Variants in GALNT1 observed in about 807,000 individuals in gnomAD.
GALNT1 encodes polypeptide N-acetylgalactosaminyltransferase 1.
A neutral mutation model predicts 65.7 loss-of-function variants in GALNT1; 17 were observed. The observed-to-expected ratio is 0.26, with a 90% confidence interval of 0.18 to 0.39. The LOEUF (loss-of-function observed/expected upper bound fraction) is 0.39. Among genes scored for constraint, GALNT1 ranks in the 10% least tolerant of loss-of-function variants. GALNT1 has a pLI of 1.00. For missense variants in GALNT1, 460 were observed against 672.8 expected, an observed-to-expected ratio of 0.68 and a Z score of 3.50; for synonymous variants, 210 against 219.7, an observed-to-expected ratio of 0.96 and a Z score of 0.39.
rs1256109086 is a variant in GALNT1, at chr18:35,703,516, C to G, written c.1406C>G (p.Ser469Cys). The change falls in exon 11 of 12, where the codon TCT becomes TGT. Residue 469 changes from serine (S) to cysteine (C), a missense_variant. By Grantham distance (112) the Ser-to-Cys change is moderately radical (BLOSUM62 -1). Coordinates refer to ENST00000269195, the MANE Select transcript of GALNT1 (RefSeq NM_020474.4). The part of the protein sequence containing the change: ...CHGMGGNQVF[S>C]YTANKEIRTD... Reference sequence around the variant, plus strand: ...GTGCATTTTTATTTCCAGGTTTTCTCTTATACTGCCAACAAAGAAATTAGA... The same window carrying G: ...GTGCATTTTTATTTCCAGGTTTTCTGTTATACTGCCAACAAAGAAATTAGA... 2 of 1,613,154 alleles carry G rather than the reference C, an allele frequency of 1.2e-6. No homozygotes were observed. Among genetic ancestry groups the G allele is most frequent in the South Asian group, 1.1e-5 (1 of 90,844 alleles).
chr18:35,686,887 G>A, intron 5 of GALNT1, 129 bp from the exon 6 acceptor site: 1 of 800,956 alleles, frequency 1.2e-6, no homozygotes, highest in Non-Finnish European at 1.9e-6. Context: ...CCTGGGTGGT[G>A]ACAGAGTAGT....
chr18:35,610,588 G>C (rs12953611), intron 1 of GALNT1, among the ~76,000 whole-genome samples: 15,800 of 152,110 alleles, frequency 0.1, 909 homozygotes, highest in Admixed American at 0.18. Flanking sequence ...ATTTTCTTCT[G>C]TGAGTTAATT....
At chr18:35,677,124 A>G (rs2047722256) in intron 3 of GALNT1, among the ~76,000 whole-genome samples, 1 of 152,230 alleles carries the variant, frequency 6.6e-6, no homozygotes, top group Non-Finnish European at 1.5e-5. Context: ...TCCGTCTTAT[A>G]GAATGACTAG....
At chr18:35,639,800 C>CT (rs1056069247) in intron 1 of GALNT1, among the ~76,000 whole-genome samples, 3 of 151,900 alleles carry the variant, frequency 2.0e-5, no homozygotes, top group African/African-American at 7.3e-5. Flanking sequence ...TACTAGATTT[C>CT]TTTTTTCTTT....
At chr18:35,655,133 G>A (rs2047365226) in intron 2 of GALNT1, among the ~76,000 whole-genome samples, 1 of 152,074 alleles carries the variant, frequency 6.6e-6, no homozygotes, top group African/African-American at 2.4e-5. Context: ...ATGCCAAAAT[G>A]CTGAGTGGAG....
intron 9 of GALNT1, among the ~76,000 whole-genome samples, chr18:35,700,428 T>C (rs533196699): frequency 4.6e-5 from 7 of 152,288 alleles, no homozygotes; most frequent in Admixed American, 2.6e-4. Flanking sequence ...TCTCTGACCA[T>C]GCCACCCACC....
intron 1 of GALNT1, among the ~76,000 whole-genome samples, chr18:35,623,156 A>T (rs1172835187): frequency 6.6e-6 from 1 of 152,098 alleles, no homozygotes; most frequent in Non-Finnish European, 1.5e-5. Flanking sequence ...GGTGTTCTTC[A>T]TTCCTTCTGA....
At chr18:35,694,644 C>T (rs1438709065) in intron 9 of GALNT1, among the ~76,000 whole-genome samples, 1 of 152,190 alleles carries the variant, frequency 6.6e-6, no homozygotes, top group East Asian at 1.9e-4. Flanking sequence ...TTTATAACAG[C>T]ACTATTCACA....
intron 7 of GALNT1, 34 bp from the exon 8 acceptor site, chr18:35,690,970 TTACTCAGC>T (rs756467086): frequency 6.8e-7 from 1 of 1,477,446 alleles, no homozygotes; most frequent in African/African-American, 1.4e-5. Flanking sequence ...CATTTCCTGA[TTACTCAGC>T]TACATGTTAC....
At chr18:35,694,294 G>A (rs775948420) in intron 9 of GALNT1, among the ~76,000 whole-genome samples, 12 of 152,086 alleles carry the variant, frequency 7.9e-5, no homozygotes, top group Non-Finnish European at 1.6e-4. Flanking sequence ...GGGCTTAAAG[G>A]GGTTTTTATT....
intron 1 of GALNT1, among the ~76,000 whole-genome samples, chr18:35,638,445 G>C (rs1250917438): frequency 6.6e-6 from 1 of 152,058 alleles, no homozygotes; most frequent in Non-Finnish European, 1.5e-5. Flanking sequence ...AATTAACATG[G>C]TGCTTCCCCC....
intron 1 of GALNT1, among the ~76,000 whole-genome samples, chr18:35,589,616 C>T (rs957372825): frequency 6.6e-6 from 1 of 152,148 alleles, no homozygotes; most frequent in Non-Finnish European, 1.5e-5. Flanking sequence ...TTGTTCCTTG[C>T]AGCCTGAGGT....
intron 1 of GALNT1, chr18:35,596,314 T>C (rs530890723): frequency 2.6e-5 from 4 of 152,318 alleles, no homozygotes; most frequent in Admixed American, 2.6e-4. Context: ...GTAATAATAA[T>C]ATCATTCCTG....
In GALNT1 at chr18:35,645,759, T is replaced by C. The variant is rs75692880; in HGVS notation, c.-103-8801T>C. ...TCTTATCTGTTGCTTGGACCTTCAG[T>C]ACAGTGTCAGACTGAAGTGAGGATA... On this transcript the variant is annotated intron_variant, in intron 1 of 11. Transcript: ENST00000269195. Among the ~76,000 whole-genome samples, 864 of 152,332 alleles carry C rather than the reference T, an allele frequency of 5.7e-3. 19 individuals carry two copies. In the East Asian group the frequency reaches 0.065, roughly 11 times the overall value.
chr18:35,591,647 GT>G (rs1302442955), intron 1 of GALNT1: 1 of 154,394 alleles, frequency 6.5e-6, no homozygotes, highest in Non-Finnish European at 1.5e-5. Flanking sequence ...AACAAAAAGA[GT>G]ATGGATGTTC....
At chr18:35,638,248 G>A (rs916248784) in intron 1 of GALNT1, among the ~76,000 whole-genome samples, 8 of 152,164 alleles carry the variant, frequency 5.3e-5, no homozygotes, top group African/African-American at 1.4e-4. Flanking sequence ...CCGACCAAGC[G>A]ATGGATGAAC....
Position 35,696,262 on chromosome 18 carries a change from A to G in GALNT1, c.1299+3942A>G, listed in dbSNP as rs146220961. On this transcript the variant is annotated intron_variant, in intron 9 of 11. Transcript: ENST00000269195. ...TATGCTTCTGATCACAGCTTCACCCATGTGAGCCTTCCTTTGCTAGCAACA... is the reference window on the plus strand; with the variant it reads ...TATGCTTCTGATCACAGCTTCACCCGTGTGAGCCTTCCTTTGCTAGCAACA... Among the ~76,000 whole-genome samples, 620 of 152,328 alleles carry G rather than the reference A, an allele frequency of 4.1e-3. 9 individuals carry two copies. Among genetic ancestry groups the G allele is most frequent in the African/African-American group, 0.014 (593 of 41,580 alleles).
chr18:35,692,567 C>CT (rs534839643), intron 9 of GALNT1, among the ~76,000 whole-genome samples: 10 of 151,532 alleles, frequency 6.6e-5, no homozygotes, highest in African/African-American at 9.7e-5. Flanking sequence ...ACTGTGGGGT[C>CT]TGTTTTTCCC....
At chr18:35,638,759 C>T (rs2047125112) in intron 1 of GALNT1, among the ~76,000 whole-genome samples, 1 of 152,138 alleles carries the variant, frequency 6.6e-6, no homozygotes, top group African/African-American at 2.4e-5. Context: ...TGGATCTGAG[C>T]AAAGTAACAG....
Sources: allele counts gnomAD v4.1 joint callset (sites outside exome capture counted in the v4.1 genomes callset), GRCh38; gene constraint gnomAD v4.1.1; transcripts MANE v1.5; gene names NCBI Gene and HGNC (gene_info 2026-07-23, HGNC 2026-07-21).